Variants in REV3L observed in about 807,000 individuals in gnomAD.
REV3L encodes REV3 like, DNA directed polymerase zeta catalytic subunit.
REV3L carries 69 observed loss-of-function variants against 299.4 expected under a neutral mutation model. That is an observed-to-expected ratio of 0.23 (90% CI 0.19 to 0.28). REV3L has a LOEUF of 0.28. Among genes scored for constraint, REV3L ranks in the 10% least tolerant of loss-of-function variants. The pLI is 1.00. For synonymous variants in REV3L, 1,238 were observed against 1,271.4 expected (o/e 0.97, Z 0.56); for missense variants, 3,128 against 3,693.8 (o/e 0.85, Z 3.97).
chr6:111,474,683 G>A (rs1034105709), intron 1 of REV3L, among the ~76,000 whole-genome samples: 1 of 152,078 alleles, frequency 6.6e-6, no homozygotes, highest in Non-Finnish European at 1.5e-5. Context: ...TGAATTAGAA[G>A]ATCTCTAACA....
chr6:111,415,424 A>C (rs2128283693), intron 2 of REV3L, among the ~76,000 whole-genome samples: 1 of 152,290 alleles, frequency 6.6e-6, no homozygotes. Flanking sequence ...AAAGCAGCTC[A>C]TGTGGAGTGA....
intron 1 of REV3L, among the ~76,000 whole-genome samples, chr6:111,448,123 G>A (rs1265918946): frequency 6.6e-6 from 1 of 152,150 alleles, no homozygotes; most frequent in Non-Finnish European, 1.5e-5. Context: ...CAGGTATAAG[G>A]ACTAGAGCTG....
intron 30 of REV3L, among the ~76,000 whole-genome samples, chr6:111,308,921 G>T (rs17511511): frequency 1.6e-3 from 243 of 152,348 alleles, no homozygotes; most frequent in African/African-American, 5.7e-3. Context: ...GATCTGCTTT[G>T]CTCTCACAGT....
chr6:111,423,955 A>G (rs1041641225), intron 1 of REV3L, among the ~76,000 whole-genome samples: 1 of 152,228 alleles, frequency 6.6e-6, no homozygotes, highest in African/African-American at 2.4e-5. Flanking sequence ...GGATATTTAA[A>G]TGAAACACAT....
At chr6:111,399,046 C>G (rs1307792416) in intron 4 of REV3L, among the ~76,000 whole-genome samples, 2 of 152,078 alleles carry the variant, frequency 1.3e-5, no homozygotes, top group African/African-American at 4.8e-5. Context: ...TTCTGAGTAC[C>G]ATTCCAATAA....
chr6:111,467,987 CAG>C lies in REV3L; in HGVS notation c.139+14761_139+14762del, dbSNP rs1288059784. Among the ~76,000 whole-genome samples the C allele has an allele frequency of 8.5e-5, 13 of 152,262 alleles. No individual in the cohort carries two copies. In the East Asian group the frequency reaches 2.5e-3, roughly 29 times the overall value. On this transcript the variant is annotated intron_variant, in intron 1 of 31. Coordinates refer to ENST00000368802, the MANE Select transcript of REV3L (RefSeq NM_001372078.1). ...TATTAACAATTTCTTCTAAGTTACACAGAGTATTTTCCATCTATACTATACAA... is the reference window on the plus strand; with the variant it reads ...TATTAACAATTTCTTCTAAGTTACACAGTATTTTCCATCTATACTATACAA...
Position 111,380,199 on chromosome 6 carries a change from C to A in REV3L, c.1237G>T (p.Ala413Ser). ...AAACCAGCAAGAAGATGTACCAGAGCCTCATCAGGACTACTGTCCACTATA... is the reference window on the plus strand; with the variant it reads ...AAACCAGCAAGAAGATGTACCAGAGACTCATCAGGACTACTGTCCACTATA... Reference protein sequence around the residue: ...PVFMDSSPDEALVHLLAGLES... With the variant: ...PVFMDSSPDESLVHLLAGLES... Residue 413 changes from alanine to serine, a missense_variant, in exon 11 of 32, where the codon GCT becomes TCT. Physicochemically the swap from Ala to Ser is moderately conservative, Grantham distance 99. Around this residue, in one of 9 missense-constraint regions of REV3L, gnomAD observed 2,409 missense variants for 2,611.8 expected, o/e 0.92. Transcript: ENST00000368802. 6.2e-7 allele frequency: 1 copy of A among 1,613,186 alleles called. No individual in the cohort carries two copies. Among genetic ancestry groups the A allele is most frequent in the Non-Finnish European group, 8.5e-7 (1 of 1,179,186 alleles).
At chr6:111,328,673 G>A (rs1775079216) in intron 25 of REV3L, among the ~76,000 whole-genome samples, 1 of 152,196 alleles carries the variant, frequency 6.6e-6, no homozygotes, top group Admixed American at 6.5e-5. Flanking sequence ...GGCTTGGCAT[G>A]AGAAAAACTG....
intron 18 of REV3L, among the ~76,000 whole-genome samples, chr6:111,356,233 T>C (rs536541234): frequency 1.1e-4 from 17 of 152,306 alleles, no homozygotes; most frequent in African/African-American, 2.9e-4. Flanking sequence ...TATCTTGCTT[T>C]AGGCATCTAA....
In REV3L at chr6:111,451,013, A is replaced by G. The variant is rs535497821; in HGVS notation, c.139+31737T>C. Among the ~76,000 whole-genome samples, 13 of 152,356 alleles carry G rather than the reference A, an allele frequency of 8.5e-5. No homozygotes were observed. In the South Asian group the frequency reaches 2.7e-3, roughly 32 times the overall value. On this transcript the variant is annotated intron_variant, in intron 1 of 31. Transcript: ENST00000368802. Reference sequence around the variant, plus strand: ...GGTGATAAGGCAGAAAGGAGACAGAATCATAATGAGTTTCCATAAAAAACA... The same window carrying G: ...GGTGATAAGGCAGAAAGGAGACAGAGTCATAATGAGTTTCCATAAAAAACA...
At chr6:111,331,862 CT>C in intron 23 of REV3L, 78 bp from the exon 24 acceptor site, 1 of 904,280 alleles carries the variant, frequency 1.1e-6, no homozygotes, top group South Asian at 1.5e-5. Context: ...AAAAATCTTT[CT>C]AACTCCATTA....
chr6:111,369,058 A>C (rs1168923292), intron 13 of REV3L, among the ~76,000 whole-genome samples: 1 of 152,164 alleles, frequency 6.6e-6, no homozygotes, highest in Non-Finnish European at 1.5e-5. Context: ...GAAAAAACAG[A>C]AACAGAATTA....
intron 22 of REV3L, among the ~76,000 whole-genome samples, chr6:111,334,414 CAAAG>C (rs758077738): frequency 6.6e-5 from 10 of 151,746 alleles, no homozygotes; most frequent in Non-Finnish European, 1.5e-4. Context: ...CCCAGTTTTT[CAAAG>C]AAAGAAACAA....
At chr6:111,410,004 A>G (rs181521520) in intron 3 of REV3L, among the ~76,000 whole-genome samples, 1 of 152,334 alleles carries the variant, frequency 6.6e-6, no homozygotes, top group African/African-American at 2.4e-5. Context: ...CAACTTCCAC[A>G]GAGCATCAAG....
chr6:111,431,568 C>G lies in REV3L; in HGVS notation c.140-15096G>C. The G allele has an allele frequency of 5.1e-6, 4 of 778,466 alleles. No homozygotes were observed. The South Asian group carries it at 6.1e-5, about 12-fold the overall frequency. 48.2% of individuals were successfully genotyped at this position (778,466 alleles called of 1,614,324 possible). ...TGATCTGTCTCTTGGGTCCCTCATACAGAGAAATGCATCTCACTGAACAAG... is the reference window on the plus strand; with the variant it reads ...TGATCTGTCTCTTGGGTCCCTCATAGAGAGAAATGCATCTCACTGAACAAG... On this transcript the variant is annotated intron_variant, in intron 1 of 31. Coordinates refer to ENST00000368802, the MANE Select transcript of REV3L (RefSeq NM_001372078.1).
chr6:111,327,110 C>T (rs556646292), intron 25 of REV3L, among the ~76,000 whole-genome samples: 1 of 152,290 alleles, frequency 6.6e-6, no homozygotes, highest in South Asian at 2.1e-4. Flanking sequence ...TAAACTTCCA[C>T]TGCTAGTTCA....
At chr6:111,368,167 C>T in intron 13 of REV3L, 139 bp from the exon 14 acceptor site, 1 of 673,680 alleles carries the variant, frequency 1.5e-6, no homozygotes, top group Non-Finnish European at 2.4e-6. Flanking sequence ...CTATATTGTG[C>T]AGGTACATTC....
chr6:111,478,958 T>C (rs932079832), intron 1 of REV3L, among the ~76,000 whole-genome samples: 1 of 152,228 alleles, frequency 6.6e-6, no homozygotes, highest in Non-Finnish European at 1.5e-5. Context: ...CTACTCTGCA[T>C]CTCAGCAGGG....
intron 2 of REV3L, among the ~76,000 whole-genome samples, 153 bp downstream of exon 2, chr6:111,416,130 T>C (rs149449968): frequency 1.1e-4 from 16 of 152,286 alleles, no homozygotes; most frequent in South Asian, 6.2e-4. Context: ...TTCATTGCCA[T>C]AAAAATTCAT....
Sources: allele counts gnomAD v4.1 joint callset (sites outside exome capture counted in the v4.1 genomes callset), GRCh38; gene constraint gnomAD v4.1.1; regional missense constraint gnomAD v4.1.1; transcripts MANE v1.5; gene names NCBI Gene and HGNC (gene_info 2026-07-23, HGNC 2026-07-21).